The following TMEM164 variants were observed in gnomAD, a reference collection of about 807,000 sequenced individuals.
TMEM164 encodes RP13-360B22.2.
A neutral mutation model predicts 18.8 loss-of-function variants in TMEM164; 4 were observed. That is an observed-to-expected ratio of 0.21 (90% CI 0.10 to 0.49). The LOEUF (loss-of-function observed/expected upper bound fraction) is 0.49. TMEM164 is among the 20% of genes least tolerant of loss of function. The pLI is 0.98. For synonymous variants in TMEM164, 86 were observed against 101.7 expected, an observed-to-expected ratio of 0.85 and a Z score of 0.93; for missense variants, 108 against 239.9, an observed-to-expected ratio of 0.45 and a Z score of 3.63.
intron 2 of TMEM164, among the ~76,000 whole-genome samples, chrX:110,009,361 C>T (rs915494573): frequency 8.9e-6 from 1 of 112,376 alleles, no homozygotes; most frequent in Non-Finnish European, 1.9e-5. Context: ...CTTTCCCAGC[C>T]GTCTGAATAC....
At position 110,168,928 on chromosome X, in the gene TMEM164, C is replaced by T. The variant is rs560548951; in HGVS notation, c.587-2492C>T. Reference sequence around the variant, plus strand: ...AATCCCAGATACAATACTGTAATTACGGTATATTATCTCATCTCATCTCTC... The same window carrying T: ...AATCCCAGATACAATACTGTAATTATGGTATATTATCTCATCTCATCTCTC... On this transcript the variant is annotated intron_variant, in intron 5 of 6. Transcript: ENST00000372068. 2.9e-4 allele frequency among the ~76,000 whole-genome samples: 33 copies of T among 112,470 alleles called. No homozygotes were observed. The South Asian group carries it at 9.9e-3, about 34-fold the overall frequency.
intron 2 of TMEM164, among the ~76,000 whole-genome samples, chrX:110,057,078 A>T (rs1317960022): frequency 9.0e-6 from 1 of 110,813 alleles, no homozygotes; most frequent in East Asian, 2.8e-4. Context: ...TTAAGTATAC[A>T]GTACAGTATT....
chrX:110,057,779 A>G (rs1327529543), intron 2 of TMEM164, among the ~76,000 whole-genome samples: 1 of 111,041 alleles, frequency 9.0e-6, no homozygotes, highest in Non-Finnish European at 1.9e-5. Flanking sequence ...CCTGTTGTCC[A>G]TTTGTATGCC....
At chrX:110,169,822 T>C (rs772843069) in intron 5 of TMEM164, among the ~76,000 whole-genome samples, 1 of 111,932 alleles carries the variant, frequency 8.9e-6, no homozygotes, top group South Asian at 3.7e-4. Context: ...TGGATGGAGC[T>C]GAGTGGTGGT....
chrX:110,136,040 T>A (rs902413785), intron 4 of TMEM164, among the ~76,000 whole-genome samples: 2 of 112,127 alleles, frequency 1.8e-5, no homozygotes, highest in Non-Finnish European at 3.8e-5. Context: ...CCAGTGAAGT[T>A]TCAAGTATTG....
intron 3 of TMEM164, among the ~76,000 whole-genome samples, chrX:110,096,263 C>T (rs1197854046): frequency 8.9e-6 from 1 of 112,906 alleles, no homozygotes; most frequent in East Asian, 2.8e-4. Flanking sequence ...GCCTTTTGTT[C>T]AGCTATGCCC....
chrX:110,073,164 T>C (rs965170700), intron 3 of TMEM164, among the ~76,000 whole-genome samples: 1 of 111,613 alleles, frequency 9.0e-6, no homozygotes, highest in Non-Finnish European at 1.9e-5. Flanking sequence ...CCCAAGTAGC[T>C]GGGACTACAG....
At chrX:110,152,216 C>T (rs373416783) in intron 5 of TMEM164, among the ~76,000 whole-genome samples, 79 of 109,067 alleles carry the variant, frequency 7.2e-4, no homozygotes, top group Non-Finnish European at 4.4e-4. Flanking sequence ...CCACCACGCC[C>T]GGCTAATTTT....
At chrX:110,141,546 A>C (rs1425603197) in intron 4 of TMEM164, among the ~76,000 whole-genome samples, 1 of 111,529 alleles carries the variant, frequency 9.0e-6, no homozygotes, top group Non-Finnish European at 1.9e-5. Context: ...AAACCATCAG[A>C]TCTCATGAGA....
intron 3 of TMEM164, among the ~76,000 whole-genome samples, chrX:110,088,165 G>A (rs1385891237): frequency 8.9e-6 from 1 of 111,998 alleles, no homozygotes; most frequent in African/African-American, 3.2e-5. Flanking sequence ...CAGACCTCAG[G>A]TCTCTAGGAC....
chrX:110,055,232 G>A (rs1273376879), intron 2 of TMEM164: 3 of 350,898 alleles, frequency 8.5e-6, no homozygotes, highest in Non-Finnish European at 1.7e-5. Flanking sequence ...AGATTTTTGA[G>A]TTGCCTACTT....
At chrX:110,135,335 T>C (rs1208725528) in intron 4 of TMEM164, among the ~76,000 whole-genome samples, 1 of 111,609 alleles carries the variant, frequency 9.0e-6, no homozygotes, top group Non-Finnish European at 1.9e-5. Context: ...AAAGGTGGAG[T>C]AATACATCTT....
At chrX:110,106,677 A>T (rs1216062097) in intron 3 of TMEM164, among the ~76,000 whole-genome samples, 2 of 111,739 alleles carry the variant, frequency 1.8e-5, no homozygotes. Context: ...CCCAGCCCAG[A>T]ATCCAGCTTT....
chrX:110,138,375 G>A (rs2066720251), intron 4 of TMEM164, among the ~76,000 whole-genome samples: 1 of 112,248 alleles, frequency 8.9e-6, no homozygotes, highest in South Asian at 3.7e-4. Context: ...AATAAATGAT[G>A]GAGACAGAAT....
chrX:110,052,745 G>GTTTTTTT (rs34292132), intron 2 of TMEM164, among the ~76,000 whole-genome samples: 12 of 68,817 alleles, frequency 1.7e-4, no homozygotes, highest in Non-Finnish European at 3.0e-4. Flanking sequence ...ACATGCATCT[G>GTTTTTTT]TTTTTTTTTT....
intron 5 of TMEM164, among the ~76,000 whole-genome samples, chrX:110,164,943 G>C (rs2067140872): frequency 8.9e-6 from 1 of 112,548 alleles, no homozygotes; most frequent in Admixed American, 9.3e-5. Context: ...TCAGAGAAGA[G>C]ATTGAGAACA....
At chrX:110,165,645 T>C (rs1312583241) in intron 5 of TMEM164, among the ~76,000 whole-genome samples, 1 of 112,173 alleles carries the variant, frequency 8.9e-6, no homozygotes, top group East Asian at 2.8e-4. Context: ...TTCCAGGCCA[T>C]CTCCCTCTCC....
At chrX:110,111,145 C>A (rs2066284824) in intron 4 of TMEM164, among the ~76,000 whole-genome samples, 1 of 112,357 alleles carries the variant, frequency 8.9e-6, no homozygotes, top group African/African-American at 3.2e-5. Context: ...GCACTGTTGC[C>A]CTGCCTTCTA....
At chrX:110,115,432 A>G (rs2066347395) in intron 4 of TMEM164, among the ~76,000 whole-genome samples, 1 of 112,138 alleles carries the variant, frequency 8.9e-6, no homozygotes, top group Non-Finnish European at 1.9e-5. Context: ...TGCAAAGGCC[A>G]GTATGTTTCT....
Sources: gnomAD v4.1 joint callset for allele counts (sites outside exome capture counted in the v4.1 genomes callset) on GRCh38, gnomAD v4.1.1 for gene constraint, MANE v1.5 for transcripts, NCBI Gene and HGNC (gene_info 2026-07-23, HGNC 2026-07-21) for gene names.